Variants in NRDC observed in about 807,000 individuals in gnomAD.
NRDC encodes nardilysin convertase.
Under a neutral mutation model 147.1 loss-of-function variants are expected in NRDC, and 54 were observed. That is an observed-to-expected ratio of 0.37 (90% CI 0.29 to 0.46). The LOEUF (loss-of-function observed/expected upper bound fraction) is 0.46. Among genes scored for constraint, NRDC ranks in the 20% least tolerant of loss-of-function variants. The probability of loss-of-function intolerance (pLI) is 1.00; values close to 1 mark genes in which losing one functional copy is unlikely to be tolerated. For synonymous variants in NRDC, 440 were observed against 482.1 expected (o/e 0.91, Z 1.14); for missense variants, 1,082 against 1,370.6 (o/e 0.79, Z 3.33).
chr1:51,791,801 A>G (rs890579398), intron 26 of NRDC, 140 bp from the exon 27 acceptor site: 2 of 733,720 alleles, frequency 2.7e-6, no homozygotes, highest in Non-Finnish European at 4.6e-6. Flanking sequence ...AAAAATGTTA[A>G]GGTGTCCATA....
At chr1:51,828,209 T>C (rs775608078) in intron 4 of NRDC, among the ~76,000 whole-genome samples, 4 of 152,238 alleles carry the variant, frequency 2.6e-5, no homozygotes, top group East Asian at 1.9e-4. Context: ...CCTGAATGTA[T>C]AGCAGTAATT....
intron 14 of NRDC, among the ~76,000 whole-genome samples, chr1:51,813,197 T>C (rs1679809482): frequency 6.6e-6 from 1 of 152,178 alleles, no homozygotes; most frequent in Admixed American, 6.5e-5. Flanking sequence ...ATTATTTTAA[T>C]TTAAAACTGA....
In NRDC at chr1:51,844,053, T is replaced by G. The variant is rs1486215252; in HGVS notation, c.342-3539A>C. ...AACTTCTCATCAACTCTACAGCTAT[T>G]TCCTTAGAGCATGTTGTCATCGTGT... On this transcript the variant is annotated intron_variant, in intron 1 of 30. Coordinates refer to ENST00000352171, the MANE Select transcript of NRDC (RefSeq NM_001101662.2). Among the ~76,000 whole-genome samples, 8 of 152,170 alleles carry G rather than the reference T, an allele frequency of 5.3e-5. No homozygotes were observed. The East Asian group carries it at 1.2e-3, about 22-fold the overall frequency.
At chr1:51,789,521 A>G in intron 30 of NRDC, 47 bp downstream of exon 30, 1 of 1,588,294 alleles carries the variant, frequency 6.3e-7, no homozygotes, top group South Asian at 1.1e-5. Flanking sequence ...AAACTCACTC[A>G]GTAAATGACA....
In NRDC at chr1:51,878,680, G is replaced by A. The variant is rs1199648292; in HGVS notation, c.-65C>T. 6.9e-6 allele frequency: 10 copies of A among 1,445,910 alleles called. No individual in the cohort carries two copies. In the African/African-American group the frequency reaches 9.8e-5, roughly 14 times the overall value. The allele number at this position is 1,445,910 out of a possible 1,614,324, so 89.6% of individuals were successfully genotyped here. ...GACCCACCTCCTCCGCGTTCTAGAG[G>A]CGGTGGCGGCCGGCCCTGGTGCTGC... On this transcript the variant is annotated 5_prime_UTR_variant, in exon 1 of 31. Coordinates refer to ENST00000352171, the MANE Select transcript of NRDC (RefSeq NM_001101662.2).
At position 51,789,972 on chromosome 1, in the gene NRDC, C is replaced by T. The variant is rs75430587; in HGVS notation, c.3169-315G>A. 1,083 of 364,578 alleles carry T rather than the reference C, an allele frequency of 3.0e-3. 7 individuals carry two copies. Among genetic ancestry groups the T allele is most frequent in the African/African-American group, 0.018 (892 of 48,548 alleles). The allele number at this position is 364,578 out of a possible 1,614,324, so 22.6% of individuals were successfully genotyped here. A position where few individuals can be genotyped will look rare whatever the true frequency, so the allele number is the denominator to read the frequency against. ...CCAATTACATGGTAGCTGCATACCACGGCTTGAGGAAATCTACCTTGCTTC... is the reference window on the plus strand; with the variant it reads ...CCAATTACATGGTAGCTGCATACCATGGCTTGAGGAAATCTACCTTGCTTC... On this transcript the variant is annotated intron_variant, in intron 29 of 30. Transcript: ENST00000352171.
intron 1 of NRDC, among the ~76,000 whole-genome samples, chr1:51,875,247 T>C (rs1192125801): frequency 6.6e-6 from 1 of 152,200 alleles, no homozygotes; most frequent in Non-Finnish European, 1.5e-5. Flanking sequence ...AAAAGTCTAA[T>C]TGAAACTCCA....
rs142891635 is a variant in NRDC, at chr1:51,873,697, G to A, written c.341+4578C>T. On this transcript the variant is annotated intron_variant, in intron 1 of 30. Coordinates refer to ENST00000352171, the MANE Select transcript of NRDC (RefSeq NM_001101662.2). ...GGCTAATTTTTTTATTTTTAGTAGC[G>A]ACAGGGTTTCACCATGTTGGCCAGG... Among the ~76,000 whole-genome samples, 745 of 151,262 alleles carry A rather than the reference G, an allele frequency of 4.9e-3. 2 individuals are homozygous for A. The highest frequency in any genetic ancestry group is 0.017 in the African/African-American group (712 of 41,320).
chr1:51,829,948 A>G (rs1680627727), intron 4 of NRDC, among the ~76,000 whole-genome samples: 1 of 151,226 alleles, frequency 6.6e-6, no homozygotes, highest in African/African-American at 2.4e-5. Context: ...AAGTATATTC[A>G]AATTTGTCTT....
At chr1:51,867,368 G>A (rs1195880835) in intron 1 of NRDC, among the ~76,000 whole-genome samples, 1 of 151,952 alleles carries the variant, frequency 6.6e-6, no homozygotes, top group Non-Finnish European at 1.5e-5. Flanking sequence ...GAAAGACAAT[G>A]CACAAGTAAA....
chr1:51,821,426 C>A, intron 8 of NRDC, 72 bp downstream of exon 8: 1 of 1,031,906 alleles, frequency 9.7e-7, no homozygotes, highest in East Asian at 2.5e-5. Flanking sequence ...AGCAAAAAAC[C>A]TTTGGGACTC....
rs201643357 is a variant in NRDC, at chr1:51,801,011, AT to A, written c.2314-329del. On this transcript the variant is annotated intron_variant, in intron 20 of 30. Coordinates refer to ENST00000352171, the MANE Select transcript of NRDC (RefSeq NM_001101662.2). ...AGACAGGGGCCACCATGCCCGGCTA[AT>A]TTTTTTGCTTTTGTACAGACAAGGT... 7.4e-3 allele frequency: 1,377 copies of A among 187,236 alleles called. 18 individuals carry two copies. Among genetic ancestry groups the A allele is most frequent in the African/African-American group, 0.031 (1,305 of 42,696 alleles). The allele number at this position is 187,236 out of a possible 1,614,324, so 11.6% of individuals were successfully genotyped here. A position where few individuals can be genotyped will look rare whatever the true frequency, so the allele number is the denominator to read the frequency against.
At position 51,790,514 on chromosome 1, in the gene NRDC, AC is replaced by A. The variant is rs766563293; in HGVS notation, c.3168+18del. ...AACCTTGACCAGTTTGAGCTGTCTT[AC>A]TCTGAAAACCATGTTACCTCGTGGG... On this transcript the variant is annotated intron_variant, in intron 29 of 30. Coordinates refer to ENST00000352171, the MANE Select transcript of NRDC (RefSeq NM_001101662.2). 10 of 1,504,314 alleles carry A rather than the reference AC, an allele frequency of 6.6e-6. No homozygotes were observed. In the South Asian group the frequency reaches 9.0e-5, roughly 14 times the overall value. The allele number at this position is 1,504,314 out of a possible 1,614,324, so 93.2% of individuals were successfully genotyped here.
intron 24 of NRDC, chr1:51,793,974 A>C (rs1376333296): frequency 1.3e-5 from 2 of 154,634 alleles, no homozygotes; most frequent in African/African-American, 2.4e-5. Context: ...TGAAGACAAA[A>C]GGAATAATCT....
At chr1:51,847,257 C>A (rs113271171) in intron 1 of NRDC, among the ~76,000 whole-genome samples, 1,961 of 152,310 alleles carry the variant, frequency 0.013, 47 homozygotes, top group African/African-American at 0.045. Flanking sequence ...CACAATCCCC[C>A]CAGCTAGACA....
At chr1:51,809,595 T>C (rs1679619938) in intron 16 of NRDC, among the ~76,000 whole-genome samples, 194 bp from the exon 17 acceptor site, 2 of 152,054 alleles carry the variant, frequency 1.3e-5, no homozygotes, top group Admixed American at 6.6e-5. Flanking sequence ...ACCTGGGAGA[T>C]TGTCAGAAAT....
At chr1:51,843,063 C>CCAAAAA (rs761341026) in intron 1 of NRDC, among the ~76,000 whole-genome samples, 2 of 68,002 alleles carry the variant, frequency 2.9e-5, no homozygotes, top group African/African-American at 1.2e-4. Context: ...AAACCTGTCT[C>CCAAAAA]AAAAAAAAAA....
chr1:51,832,499 G>A (rs770600187), intron 4 of NRDC, among the ~76,000 whole-genome samples: 11 of 152,146 alleles, frequency 7.2e-5, no homozygotes, highest in Admixed American at 3.3e-4. Context: ...ATTTGCAGAT[G>A]TATCAACAAA....
At chr1:51,827,073 C>T (rs1385716861) in intron 5 of NRDC, among the ~76,000 whole-genome samples, 2 of 152,100 alleles carry the variant, frequency 1.3e-5, no homozygotes, top group East Asian at 3.8e-4. Context: ...AAAATAAATC[C>T]TTGATTTCCA....
Sources: allele counts gnomAD v4.1 joint callset (sites outside exome capture counted in the v4.1 genomes callset), GRCh38; gene constraint gnomAD v4.1.1; transcripts MANE v1.5; gene names NCBI Gene and HGNC (gene_info 2026-07-23, HGNC 2026-07-21).